CREB1: variants seen among roughly 807,000 people sequenced by gnomAD.
CREB1 encodes the protein cAMP responsive element binding protein 1.
Under a neutral mutation model 42.0 loss-of-function variants are expected in CREB1, and 2 were observed. The ratio of observed to expected loss-of-function variants is 0.05; its 90% CI spans 0.02 to 0.15. The LOEUF is 0.15. Among genes scored for constraint, CREB1 ranks in the 10% least tolerant of loss-of-function variants. CREB1 has a pLI of 1.00. For synonymous variants in CREB1, 123 were observed against 139.9 expected, an observed-to-expected ratio of 0.88 and a Z score of 0.85; for missense variants, 199 against 388.9, an observed-to-expected ratio of 0.51 and a Z score of 4.11.
intron 7 of CREB1, chr2:207,577,920 G>A: frequency 2.3e-6 from 1 of 430,378 alleles, no homozygotes; most frequent in Non-Finnish European, 4.3e-6. Context: ...ACTTCCCTAT[G>A]TCTGCACTCC....
In CREB1 at chr2:207,570,379, C is replaced by G; in HGVS notation, c.505+58C>G. Reference sequence around the variant, plus strand: ...AGGAGAAAAAAGTGAGGAGAAAAAGCTAATAGTTGCATTCTCTTCAGAGAA... The same window carrying G: ...AGGAGAAAAAAGTGAGGAGAAAAAGGTAATAGTTGCATTCTCTTCAGAGAA... On this transcript the variant is annotated intron_variant, in intron 5 of 7. Coordinates refer to ENST00000353267, the MANE Select transcript of CREB1 (RefSeq NM_004379.5). 5.4e-6 allele frequency: 8 copies of G among 1,476,192 alleles called. No homozygotes were observed. The South Asian group carries it at 1.1e-4, about 20-fold the overall frequency. The allele number at this position is 1,476,192 out of a possible 1,614,324, so 91.4% of individuals were successfully genotyped here.
chr2:207,566,499 G>C (rs2082145777), intron 3 of CREB1, among the ~76,000 whole-genome samples: 1 of 152,152 alleles, frequency 6.6e-6, no homozygotes, highest in Admixed American at 6.5e-5. Context: ...TTCTAGTCTA[G>C]AAAAGGTGTG....
rs1402227688 is a variant in CREB1 at position 207,604,635 on chromosome 2, AACAATTAAGTGGTAGTACATCC to A, written c.*7583_*7604del. ...TTCACATAAATTAACTTTTTAAGTG[AACAATTAAGTGGTAGTACATCC>A]ACAATGGTGTACAACCACCACTTCT... On this transcript the variant is annotated 3_prime_UTR_variant, in exon 8 of 8. Coordinates refer to ENST00000353267, the MANE Select transcript of CREB1 (RefSeq NM_004379.5). Among the ~76,000 whole-genome samples the A allele has an allele frequency of 2.6e-5, 4 of 152,220 alleles. No individual in the cohort carries two copies. Among genetic ancestry groups the A allele is most frequent in the Non-Finnish European group, 4.4e-5 (3 of 68,042 alleles).
intron 1 of CREB1, among the ~76,000 whole-genome samples, chr2:207,552,675 G>A (rs2042486): frequency 0.32 from 47,753 of 149,234 alleles, 7,879 homozygotes; most frequent in South Asian, 0.49. Flanking sequence ...GCGCGATCTC[G>A]GCTTACTACA....
rs2081698258 is a variant in CREB1 at position 207,555,849 on chromosome 2, CAG to C, written c.114+104_114+105del. On this transcript the variant is annotated intron_variant, in intron 2 of 7. Transcript: ENST00000353267. ...ATTACATAGATATACATAGAATGAG[CAG>C]AGATACTCTTACAATATCAAAATTC... The C allele has an allele frequency of 6.0e-6, 4 of 664,702 alleles. No homozygotes were observed. The East Asian group carries it at 1.1e-4, about 18-fold the overall frequency. The allele number at this position is 664,702 out of a possible 1,614,324, so 41.2% of individuals were successfully genotyped here.
chr2:207,581,660 C>T (rs1036071758), intron 7 of CREB1: 6 of 465,652 alleles, frequency 1.3e-5, no homozygotes, highest in East Asian at 6.6e-5. Flanking sequence ...TACAGAGTTC[C>T]GGATACCCTT....
At chr2:207,576,130 A>G (rs753934726) in intron 6 of CREB1, among the ~76,000 whole-genome samples, 4 of 151,636 alleles carry the variant, frequency 2.6e-5, no homozygotes, top group Non-Finnish European at 5.9e-5. Context: ...TTTTGTTTCA[A>G]ATGAAAACAT....
chr2:207,535,360 C>T (rs2080824236), intron 1 of CREB1, among the ~76,000 whole-genome samples: 1 of 152,008 alleles, frequency 6.6e-6, no homozygotes. Context: ...ATTATTTTGG[C>T]CCAAAAGGTT....
intron 7 of CREB1, among the ~76,000 whole-genome samples, chr2:207,584,889 A>C (rs1224211727): frequency 6.6e-6 from 1 of 152,012 alleles, no homozygotes; most frequent in Non-Finnish European, 1.5e-5. Context: ...AACATTATCT[A>C]TCTTTTGCAG....
At chr2:207,578,638 T>G (rs2082685828) in intron 7 of CREB1, among the ~76,000 whole-genome samples, 1 of 151,964 alleles carries the variant, frequency 6.6e-6, no homozygotes, top group South Asian at 2.1e-4. Flanking sequence ...GAAATGGGTT[T>G]GTGTGTGTGT....
At chr2:207,539,426 C>A (rs968536573) in intron 1 of CREB1, among the ~76,000 whole-genome samples, 4 of 151,938 alleles carry the variant, frequency 2.6e-5, no homozygotes, top group Admixed American at 1.3e-4. Context: ...AATGGTGACA[C>A]CTTGACTTTA....
chr2:207,595,250 T>C (rs1018571290), intron 7 of CREB1, among the ~76,000 whole-genome samples: 2 of 152,008 alleles, frequency 1.3e-5, no homozygotes, highest in African/African-American at 4.8e-5. Context: ...CGCCTCTGCC[T>C]CCCAAAGTGC....
chr2:207,587,759 A>T (rs1029093426), intron 7 of CREB1, among the ~76,000 whole-genome samples: 1 of 152,208 alleles, frequency 6.6e-6, no homozygotes, highest in African/African-American at 2.4e-5. Context: ...TTATGGAAGT[A>T]GAGAGTAAAA....
In CREB1 at chr2:207,597,286, T is replaced by C. The variant is rs1380255902; in HGVS notation, c.*228T>C. On this transcript the variant is annotated 3_prime_UTR_variant, in exon 8 of 8. Coordinates refer to ENST00000353267, the MANE Select transcript of CREB1 (RefSeq NM_004379.5). Reference sequence around the variant, plus strand: ...AAGAAATTTTCAACGCCAGGAATCATGAAGAGACTTCTGCTTTTCAACCCC... The same window carrying C: ...AAGAAATTTTCAACGCCAGGAATCACGAAGAGACTTCTGCTTTTCAACCCC... 6.9e-6 allele frequency: 3 copies of C among 437,022 alleles called. No individual in the cohort carries two copies. Among genetic ancestry groups the C allele is most frequent in the Non-Finnish European group, 1.2e-5 (3 of 251,914 alleles). The allele number at this position is 437,022 out of a possible 1,614,324, so 27.1% of individuals were successfully genotyped here. A position where few individuals can be genotyped will look rare whatever the true frequency, so the allele number is the denominator to read the frequency against.
intron 6 of CREB1, 111 bp from the exon 7 acceptor site, chr2:207,577,393 CT>C: frequency 7.3e-7 from 1 of 1,376,780 alleles, no homozygotes; most frequent in Non-Finnish European, 9.8e-7. Flanking sequence ...ATCATCTTTT[CT>C]TTTTTGTTTC....
intron 7 of CREB1, among the ~76,000 whole-genome samples, chr2:207,579,930 T>C (rs983571812): frequency 3.3e-5 from 5 of 152,244 alleles, no homozygotes; most frequent in African/African-American, 1.2e-4. Flanking sequence ...CTTGGCTTAC[T>C]TCACCTGGTT....
chr2:207,564,510 T>TAA (rs34127936), intron 3 of CREB1, among the ~76,000 whole-genome samples: 12 of 145,572 alleles, frequency 8.2e-5, no homozygotes, highest in Non-Finnish European at 1.1e-4. Context: ...TCCTGTCTCT[T>TAA]AAAAAAAAAA....
chr2:207,559,274 T>C, intron 2 of CREB1: 1 of 978,178 alleles, frequency 1.0e-6, no homozygotes, highest in African/African-American at 1.7e-5. Flanking sequence ...TAATAACAAG[T>C]CTAACTTTTT....
intron 5 of CREB1, among the ~76,000 whole-genome samples, chr2:207,571,518 A>T (rs778019167): frequency 6.6e-6 from 1 of 152,288 alleles, no homozygotes; most frequent in East Asian, 1.9e-4. Context: ...GAAGGAAGGC[A>T]TTTTTGACTA....
Sources: allele counts gnomAD v4.1 joint callset (sites outside exome capture counted in the v4.1 genomes callset), GRCh38; gene constraint gnomAD v4.1.1; transcripts MANE v1.5; gene names NCBI Gene and HGNC (gene_info 2026-07-23, HGNC 2026-07-21).